Variants in HS6ST3 observed in about 807,000 individuals in gnomAD.
The protein encoded by HS6ST3 is heparan-sulfate 6-O-sulfotransferase 3.
Under a neutral mutation model 36.7 loss-of-function variants are expected in HS6ST3, and 12 were observed. The observed-to-expected ratio is 0.33, with a 90% CI of 0.21 to 0.53. The LOEUF (loss-of-function observed/expected upper bound fraction) is 0.53, where lower values mean the gene tolerates loss of function less well. Among genes scored for constraint, HS6ST3 ranks in the 20% least tolerant of loss-of-function variants. HS6ST3 has a pLI of 0.95. For missense variants in HS6ST3, 584 were observed against 640.9 expected, an observed-to-expected ratio of 0.91 and a Z score of 0.96; for synonymous variants, 240 against 257.5, an observed-to-expected ratio of 0.93 and a Z score of 0.65.
chr13:96,790,294 C>A (rs1438800755), intron 1 of HS6ST3, among the ~76,000 whole-genome samples: 1 of 151,466 alleles, frequency 6.6e-6, no homozygotes, highest in Admixed American at 6.6e-5. Flanking sequence ...CACACACACA[C>A]ACACACACAC....
In HS6ST3 at chr13:96,461,325, G is replaced by A. The variant is rs150113974; in HGVS notation, c.707+369756G>A. On this transcript the variant is annotated intron_variant, in intron 1 of 1. Coordinates refer to ENST00000376705, the MANE Select transcript of HS6ST3 (RefSeq NM_153456.4). ...TTGACATTTAAGTAAAAATTATAAT[G>A]TATTATAAGAAGAACAACAACAAAA... Among the ~76,000 whole-genome samples, 353 of 152,238 alleles carry A rather than the reference G, an allele frequency of 2.3e-3. 1 individual carries two copies. The highest frequency in any genetic ancestry group is 8.0e-3 in the African/African-American group (332 of 41,562).
intron 1 of HS6ST3, among the ~76,000 whole-genome samples, chr13:96,625,677 G>T (rs1336711390): frequency 6.6e-6 from 1 of 151,954 alleles, no homozygotes; most frequent in Non-Finnish European, 1.5e-5. Context: ...GTTAGTTTGT[G>T]AAATGCTTAT....
intron 1 of HS6ST3, among the ~76,000 whole-genome samples, chr13:96,322,402 C>G (rs1451348724): frequency 1.1e-5 from 1 of 94,122 alleles, no homozygotes; most frequent in African/African-American, 4.1e-5. Context: ...AAAAAAAAAA[C>G]AAGCATTATC....
At chr13:96,515,055 T>A (rs2056066823) in intron 1 of HS6ST3, among the ~76,000 whole-genome samples, 2 of 152,242 alleles carry the variant, frequency 1.3e-5, no homozygotes, top group African/African-American at 4.8e-5. Context: ...GAATTTGATC[T>A]ATCTCTATGT....
rs71292889 is a variant in HS6ST3 at position 96,583,204 on chromosome 13, CTTTTTTTTTTT to C, written c.708-249269_708-249259del. 5.0e-3 allele frequency among the ~76,000 whole-genome samples: 264 copies of C among 52,932 alleles called. 1 individual carries two copies. Among genetic ancestry groups the C allele is most frequent in the Admixed American group, 0.012 (32 of 2,730 alleles). The allele number at this position is 52,932 out of a possible 152,430, so 34.7% of individuals were successfully genotyped here. A position where few individuals can be genotyped will look rare whatever the true frequency, so the allele number is the denominator to read the frequency against. On this transcript the variant is annotated intron_variant, in intron 1 of 1. Transcript: ENST00000376705. The stretch of plus-strand genomic sequence containing the variant: ...AATGGCTTCAATTTCTTTTTCTTTT[CTTTTTTTTTTT>C]TTTTTTTTTTTTTTTTGAGACGGAG...
intron 1 of HS6ST3, among the ~76,000 whole-genome samples, chr13:96,542,738 T>A (rs938263848): frequency 6.6e-6 from 1 of 152,222 alleles, no homozygotes; most frequent in Non-Finnish European, 1.5e-5. Flanking sequence ...CATTCAAGTA[T>A]GTCCTATGGG....
chr13:96,484,041 G>A (rs2055902119), intron 1 of HS6ST3, among the ~76,000 whole-genome samples: 1 of 152,052 alleles, frequency 6.6e-6, no homozygotes, highest in Non-Finnish European at 1.5e-5. Flanking sequence ...CTTTGTCAAA[G>A]ATCAGTTGAC....
intron 1 of HS6ST3, among the ~76,000 whole-genome samples, chr13:96,690,544 G>T (rs142265579): frequency 2.0e-5 from 3 of 152,176 alleles, no homozygotes; most frequent in African/African-American, 7.2e-5. Context: ...CATCTCCCGG[G>T]CATGGAAGGA....
chr13:96,241,499 A>T (rs1020037030), intron 1 of HS6ST3, among the ~76,000 whole-genome samples: 1 of 152,014 alleles, frequency 6.6e-6, no homozygotes, highest in Admixed American at 6.5e-5. Context: ...TTGTCAAAAT[A>T]CAAAATATGT....
At chr13:96,735,936 A>C (rs551614203) in intron 1 of HS6ST3, among the ~76,000 whole-genome samples, 2 of 152,296 alleles carry the variant, frequency 1.3e-5, no homozygotes, top group South Asian at 4.1e-4. Context: ...ATGGAGCTGG[A>C]GGCCATTATC....
chr13:96,108,043 G>A (rs2053850041), intron 1 of HS6ST3, among the ~76,000 whole-genome samples: 2 of 152,166 alleles, frequency 1.3e-5, no homozygotes, highest in African/African-American at 4.8e-5. Context: ...GTAACCATTA[G>A]GTCTGACTGC....
At chr13:96,116,573 A>G (rs577399727) in intron 1 of HS6ST3, among the ~76,000 whole-genome samples, 43 of 152,326 alleles carry the variant, frequency 2.8e-4, no homozygotes, top group Non-Finnish European at 4.6e-4. Context: ...TCAGCAGCAG[A>G]TAAGCGTATT....
At chr13:96,128,980 G>A (rs1476325708) in intron 1 of HS6ST3, among the ~76,000 whole-genome samples, 1 of 151,788 alleles carries the variant, frequency 6.6e-6, no homozygotes, top group Non-Finnish European at 1.5e-5. Context: ...CTAGTAGCTG[G>A]GATTACAAGT....
intron 1 of HS6ST3, among the ~76,000 whole-genome samples, chr13:96,112,507 T>C (rs2053873162): frequency 2.1e-5 from 3 of 143,846 alleles, no homozygotes; most frequent in Admixed American, 1.4e-4. Context: ...CTGAGGCGGG[T>C]GGAATGCTTG....
At chr13:96,280,438 T>C (rs188678737) in intron 1 of HS6ST3, among the ~76,000 whole-genome samples, 1 of 152,226 alleles carries the variant, frequency 6.6e-6, no homozygotes, top group African/African-American at 2.4e-5. Context: ...TGTAAACCAA[T>C]TGAGTGATTG....
chr13:96,323,851 T>C (rs894608989), intron 1 of HS6ST3, among the ~76,000 whole-genome samples: 1 of 152,224 alleles, frequency 6.6e-6, no homozygotes, highest in African/African-American at 2.4e-5. Context: ...AATATATACT[T>C]CATAAGGGCA....
At chr13:96,380,095 G>A (rs1172627025) in intron 1 of HS6ST3, among the ~76,000 whole-genome samples, 1 of 152,086 alleles carries the variant, frequency 6.6e-6, no homozygotes, top group Non-Finnish European at 1.5e-5. Flanking sequence ...GGTAGTCATT[G>A]AACATTTTAA....
At chr13:96,561,131 C>A (rs1358309533) in intron 1 of HS6ST3, among the ~76,000 whole-genome samples, 3 of 152,042 alleles carry the variant, frequency 2.0e-5, no homozygotes, top group African/African-American at 7.2e-5. Flanking sequence ...CATCAAACTA[C>A]ACCATAAGGC....
At chr13:96,214,708 T>G (rs571160718) in intron 1 of HS6ST3, among the ~76,000 whole-genome samples, 2 of 152,200 alleles carry the variant, frequency 1.3e-5, no homozygotes, top group Admixed American at 6.5e-5. Flanking sequence ...TATCGTAACC[T>G]GAATATCTCT....
Sources: gnomAD v4.1 joint callset for allele counts (sites outside exome capture counted in the v4.1 genomes callset) on GRCh38, gnomAD v4.1.1 for gene constraint, MANE v1.5 for transcripts, NCBI Gene and HGNC (gene_info 2026-07-23, HGNC 2026-07-21) for gene names.